The following RUNX2 variants were observed in gnomAD, a reference collection of about 807,000 sequenced individuals.
RUNX2 encodes RUNX family transcription factor 2, also known as runt-related transcription factor 2.
RUNX2 carries 10 observed loss-of-function variants against 51.7 expected under a neutral mutation model. The observed-to-expected ratio is 0.19, with a 90% CI of 0.12 to 0.33. The LOEUF is 0.33. Among genes scored for constraint, RUNX2 ranks in the 10% least tolerant of loss-of-function variants. The probability of loss-of-function intolerance (pLI) is 1.00; values close to 1 mark genes in which losing one functional copy is unlikely to be tolerated. For synonymous variants in RUNX2, 276 were observed against 273.6 expected, an observed-to-expected ratio of 1.01 and a Z score of -0.09; for missense variants, 562 against 691.3, an observed-to-expected ratio of 0.81 and a Z score of 2.10.
intron 7 of RUNX2, 87 bp downstream of exon 7, chr6:45,512,494 C>T (rs1801191372): frequency 1.4e-6 from 2 of 1,413,464 alleles, no homozygotes; most frequent in South Asian, 2.3e-5. Context: ...TCCATGCTCA[C>T]AGTGACTCTC....
chr6:45,362,217 T>C (rs958467662), intron 2 of RUNX2, among the ~76,000 whole-genome samples: 8 of 152,226 alleles, frequency 5.3e-5, no homozygotes, highest in Admixed American at 2.6e-4. Context: ...ATTTCATTTG[T>C]GCTTGACAAC....
At chr6:45,499,608 G>A (rs1448450731) in intron 6 of RUNX2, among the ~76,000 whole-genome samples, 1 of 152,140 alleles carries the variant, frequency 6.6e-6, no homozygotes, top group Non-Finnish European at 1.5e-5. Context: ...AACTGAAGAT[G>A]GTCTGACTTT....
intron 5 of RUNX2, among the ~76,000 whole-genome samples, chr6:45,484,658 G>C (rs1468844096): frequency 1.3e-5 from 2 of 152,128 alleles, no homozygotes; most frequent in Non-Finnish European, 2.9e-5. Flanking sequence ...TTGTGCTATT[G>C]CTTTTGCTGG....
intron 5 of RUNX2, among the ~76,000 whole-genome samples, chr6:45,485,361 C>G (rs1012015698): frequency 7.2e-5 from 11 of 151,882 alleles, no homozygotes; most frequent in African/African-American, 2.7e-4. Flanking sequence ...TGCCATCACG[C>G]CTGGCTAATT....
intron 6 of RUNX2, among the ~76,000 whole-genome samples, chr6:45,494,159 C>T (rs1252702470): frequency 7.2e-5 from 11 of 152,212 alleles, no homozygotes; most frequent in African/African-American, 2.7e-4. Context: ...CTAGCAGATA[C>T]ACGTGCAGAG....
rs1802504527 is a variant in RUNX2 at position 45,549,605 on chromosome 6, T to C, written c.*2300T>C. ...CATTTATTTGTAAGTGTAAAATATGTGTGTTTGTTTCAGCAGCACTTAAAA... is the reference window on the plus strand; with the variant it reads ...CATTTATTTGTAAGTGTAAAATATGCGTGTTTGTTTCAGCAGCACTTAAAA... On this transcript the variant is annotated 3_prime_UTR_variant, in exon 9 of 9. Transcript: ENST00000647337. The C allele has an allele frequency of 5.2e-6, 2 of 381,438 alleles. No individual in the cohort carries two copies. The highest frequency in any genetic ancestry group is 9.3e-6 in the Non-Finnish European group (2 of 215,584). 23.6% of individuals were successfully genotyped at this position (381,438 alleles called of 1,614,324 possible). A position where few individuals can be genotyped will look rare whatever the true frequency, so the allele number is the denominator to read the frequency against.
At chr6:45,445,288 T>G (rs886599527) in intron 5 of RUNX2, among the ~76,000 whole-genome samples, 5 of 152,150 alleles carry the variant, frequency 3.3e-5, no homozygotes, top group Non-Finnish European at 7.4e-5. Flanking sequence ...CTTCCCAAAA[T>G]GTTGGGATTA....
intron 2 of RUNX2, among the ~76,000 whole-genome samples, chr6:45,352,350 GA>G (rs1792245461): frequency 6.6e-6 from 1 of 151,980 alleles, no homozygotes; most frequent in African/African-American, 2.4e-5. Flanking sequence ...TTTCAGAAAA[GA>G]AAGTGTATCA....
At chr6:45,393,366 G>C (rs1797512244) in intron 2 of RUNX2, among the ~76,000 whole-genome samples, 1 of 152,122 alleles carries the variant, frequency 6.6e-6, no homozygotes, top group African/African-American at 2.4e-5. Flanking sequence ...CTTATTGTTT[G>C]CTATAGCTGC....
chr6:45,521,808 C>T lies in RUNX2; in HGVS notation c.1021+9401C>T, dbSNP rs140544329. The stretch of plus-strand genomic sequence containing the variant: ...CACAGTTCATTAGTGTCCATCTTAA[C>T]GCCTCGTACCCAGAACCAAACTATT... On this transcript the variant is annotated intron_variant, in intron 7 of 8. Transcript: ENST00000647337. Among the ~76,000 whole-genome samples, 218 of 152,262 alleles carry T rather than the reference C, an allele frequency of 1.4e-3. 5 individuals are homozygous for T. In the East Asian group the frequency reaches 0.038, roughly 26 times the overall value.
intron 5 of RUNX2, among the ~76,000 whole-genome samples, chr6:45,476,622 A>T (rs1799962990): frequency 6.6e-6 from 1 of 152,194 alleles, no homozygotes; most frequent in Non-Finnish European, 1.5e-5. Context: ...CCATTTGTTT[A>T]AAATAACATG....
intron 5 of RUNX2, among the ~76,000 whole-genome samples, chr6:45,469,547 T>C (rs1195011247): frequency 1.3e-5 from 2 of 152,346 alleles, no homozygotes; most frequent in Middle Eastern, 3.4e-3. Context: ...GATCATTCTC[T>C]ACACATAGCA....
chr6:45,533,957 C>T (rs1057256915), intron 7 of RUNX2, among the ~76,000 whole-genome samples: 9 of 141,952 alleles, frequency 6.3e-5, no homozygotes, highest in South Asian at 4.5e-4. Context: ...TGCAGTGGCT[C>T]GATCTCGGCT....
At chr6:45,377,914 G>A (rs1477921607) in intron 2 of RUNX2, 4 of 152,200 alleles carry the variant, frequency 2.6e-5, no homozygotes, top group African/African-American at 9.7e-5. Flanking sequence ...TGTAGAAAGG[G>A]AAAAGGTGAC....
intron 7 of RUNX2, among the ~76,000 whole-genome samples, chr6:45,519,190 C>A (rs965411824): frequency 6.6e-6 from 1 of 152,132 alleles, no homozygotes; most frequent in Non-Finnish European, 1.5e-5. Flanking sequence ...AGTAGAAATG[C>A]ATGCGACATT....
At chr6:45,471,302 G>C (rs545289383) in intron 5 of RUNX2, among the ~76,000 whole-genome samples, 6 of 152,124 alleles carry the variant, frequency 3.9e-5, no homozygotes, top group Non-Finnish European at 8.8e-5. Flanking sequence ...AAGTGCTAGC[G>C]TTTGGGAGAT....
chr6:45,362,485 T>C (rs891223688), intron 2 of RUNX2, among the ~76,000 whole-genome samples: 6 of 152,134 alleles, frequency 3.9e-5, no homozygotes, highest in Non-Finnish European at 7.4e-5. Context: ...GAAATATACA[T>C]AAGCAAGAAT....
chr6:45,428,256 T>C (rs920301137), intron 3 of RUNX2, among the ~76,000 whole-genome samples: 1 of 152,202 alleles, frequency 6.6e-6, no homozygotes, highest in African/African-American at 2.4e-5. Flanking sequence ...TCTTGATTCT[T>C]TTGGTTTTCT....
At chr6:45,347,214 C>T (rs1791063317) in intron 2 of RUNX2, among the ~76,000 whole-genome samples, 1 of 152,026 alleles carries the variant, frequency 6.6e-6, no homozygotes, top group Non-Finnish European at 1.5e-5. Context: ...AATTTATATT[C>T]AACACCTTAG....
Sources: gnomAD v4.1 joint callset for allele counts (sites outside exome capture counted in the v4.1 genomes callset) on GRCh38, gnomAD v4.1.1 for gene constraint, MANE v1.5 for transcripts, NCBI Gene and HGNC (gene_info 2026-07-23, HGNC 2026-07-21) for gene names.